Variants in TEAD1 observed in about 807,000 individuals in gnomAD.
TEAD1 encodes transcriptional enhancer factor TEF-1.
A neutral mutation model predicts 54.9 loss-of-function variants in TEAD1; 9 were observed. That is an observed-to-expected ratio of 0.16 (90% CI 0.10 to 0.29). The LOEUF (loss-of-function observed/expected upper bound fraction) is 0.29, where lower values mean the gene tolerates loss of function less well. Ranked by LOEUF, TEAD1 falls within the 10% of genes least tolerant of loss-of-function variation. TEAD1 has a pLI of 1.00. For synonymous variants in TEAD1, 200 were observed against 187.8 expected, an observed-to-expected ratio of 1.07 and a Z score of -0.53; for missense variants, 387 against 535.9, an observed-to-expected ratio of 0.72 and a Z score of 2.74.
intron 3 of TEAD1, among the ~76,000 whole-genome samples, chr11:12,794,110 G>A (rs770280331): frequency 1.2e-4 from 18 of 152,342 alleles, no homozygotes; most frequent in Middle Eastern, 3.4e-3. Context: ...GGAAGGGAAT[G>A]GGGCTTAGAG....
chr11:12,681,237 C>T (rs576236211), intron 2 of TEAD1, among the ~76,000 whole-genome samples: 3 of 152,206 alleles, frequency 2.0e-5, no homozygotes, highest in Admixed American at 1.3e-4. Context: ...TTGTCTGAGC[C>T]GAGAAATTCT....
intron 3 of TEAD1, among the ~76,000 whole-genome samples, chr11:12,819,597 C>T (rs1040393448): frequency 4.6e-5 from 7 of 151,960 alleles, no homozygotes; most frequent in South Asian, 2.1e-4. Flanking sequence ...TACAGGCGCC[C>T]GCCACCAAGC....
chr11:12,717,096 A>G (rs1281375947), intron 2 of TEAD1, among the ~76,000 whole-genome samples: 1 of 152,220 alleles, frequency 6.6e-6, no homozygotes, highest in Non-Finnish European at 1.5e-5. Context: ...AGGATGAGCC[A>G]TAAACAGTCA....
intron 5 of TEAD1, among the ~76,000 whole-genome samples, chr11:12,871,849 G>A (rs1452131158): frequency 6.6e-6 from 1 of 152,140 alleles, no homozygotes; most frequent in African/African-American, 2.4e-5. Flanking sequence ...GGCAGTAGAT[G>A]TATTCACGTC....
At chr11:12,816,655 A>C (rs1300962803) in intron 3 of TEAD1, among the ~76,000 whole-genome samples, 1 of 152,196 alleles carries the variant, frequency 6.6e-6, no homozygotes, top group African/African-American at 2.4e-5. Flanking sequence ...TTTAGTTGCT[A>C]TACACAAGCC....
At position 12,943,023 on chromosome 11, in the gene TEAD1, A is replaced by T. The variant is rs968826924; in HGVS notation, c.*5801A>T. The T allele has an allele frequency of 6.6e-6, 1 of 152,228 alleles. No individual in the cohort carries two copies. The highest frequency in any genetic ancestry group is 1.5e-5 in the Non-Finnish European group (1 of 68,038). 9.4% of individuals were successfully genotyped at this position (152,228 alleles called of 1,614,324 possible). On this transcript the variant is annotated 3_prime_UTR_variant, in exon 13 of 13. Transcript: ENST00000527636. ...AAAAAGATTTTCTTTGCTAATATAG[A>T]TGTAAAAATAACATCAGACATCTTT...
At chr11:12,916,944 A>G (rs1948724389) in intron 10 of TEAD1, among the ~76,000 whole-genome samples, 1 of 152,218 alleles carries the variant, frequency 6.6e-6, no homozygotes, top group South Asian at 2.1e-4. Context: ...GGTCTGTGGT[A>G]CCCGAAGTTC....
intron 2 of TEAD1, among the ~76,000 whole-genome samples, chr11:12,679,919 A>G (rs769517162): frequency 1.1e-4 from 16 of 152,200 alleles, no homozygotes; most frequent in South Asian, 2.1e-4. Flanking sequence ...TCTGTATCCA[A>G]GCATTTTTGT....
intron 2 of TEAD1, among the ~76,000 whole-genome samples, chr11:12,731,540 CAAT>C (rs1001426452): frequency 4.7e-4 from 72 of 152,028 alleles, no homozygotes; most frequent in African/African-American, 1.5e-3. Context: ...TCTTTAATAT[CAAT>C]AAATACTTAC....
chr11:12,823,324 C>G (rs184785631), intron 3 of TEAD1: 4 of 152,320 alleles, frequency 2.6e-5, no homozygotes, highest in Admixed American at 2.6e-4. Context: ...GATTTCTTGC[C>G]TTTAAAATGT....
intron 2 of TEAD1, among the ~76,000 whole-genome samples, chr11:12,734,502 A>G (rs1238516945): frequency 6.6e-6 from 1 of 152,218 alleles, no homozygotes; most frequent in Non-Finnish European, 1.5e-5. Context: ...CTAGGCCTTC[A>G]CATTCACTCA....
intron 10 of TEAD1, among the ~76,000 whole-genome samples, chr11:12,908,896 T>TTTTTTTTTTTTTA (rs1948569869): frequency 7.4e-6 from 1 of 136,022 alleles, no homozygotes. Flanking sequence ...TTTTTTTTTT[T>TTTTTTTTTTTTTA]GAGACAGTGT....
At chr11:12,756,928 T>C (rs926887203) in intron 2 of TEAD1, among the ~76,000 whole-genome samples, 2 of 152,246 alleles carry the variant, frequency 1.3e-5, no homozygotes, top group Admixed American at 1.3e-4. Flanking sequence ...CAGTTCACTT[T>C]GGAAGTAAAG....
intron 10 of TEAD1, among the ~76,000 whole-genome samples, chr11:12,924,656 G>T (rs745361): frequency 0.11 from 17,360 of 152,004 alleles, 1,489 homozygotes; most frequent in African/African-American, 0.24. Flanking sequence ...GGGTATAGTA[G>T]TATTCTGATA....
chr11:12,864,627 G>T, intron 4 of TEAD1: 1 of 1,125,398 alleles, frequency 8.9e-7, no homozygotes, highest in Non-Finnish European at 1.2e-6. Context: ...TTTTTGTTTT[G>T]TTTTGTTTTG....
At chr11:12,931,899 G>A (rs779020461) in intron 12 of TEAD1, among the ~76,000 whole-genome samples, 7 of 147,228 alleles carry the variant, frequency 4.8e-5, no homozygotes, top group Non-Finnish European at 9.0e-5. Flanking sequence ...CCCTGGAGAT[G>A]GGGCCCAGCA....
chr11:12,781,509 A>T (rs1564937486), intron 3 of TEAD1, among the ~76,000 whole-genome samples: 2 of 152,160 alleles, frequency 1.3e-5, no homozygotes. Context: ...TGGACAGAGG[A>T]TCTGACTGGA....
At chr11:12,769,095 T>C (rs1323679833) in intron 3 of TEAD1, among the ~76,000 whole-genome samples, 1 of 152,092 alleles carries the variant, frequency 6.6e-6, no homozygotes, top group South Asian at 2.1e-4. Context: ...CTGGCCACTA[T>C]TGACTTTCTC....
At chr11:12,912,880 G>A (rs968104383) in intron 10 of TEAD1, among the ~76,000 whole-genome samples, 12 of 151,934 alleles carry the variant, frequency 7.9e-5, no homozygotes, top group South Asian at 6.2e-4. Context: ...TGGGTCCTTT[G>A]TCTCTGTGAT....
Sources: allele counts gnomAD v4.1 joint callset (sites outside exome capture counted in the v4.1 genomes callset), GRCh38; gene constraint gnomAD v4.1.1; transcripts MANE v1.5; gene names NCBI Gene and HGNC (gene_info 2026-07-23, HGNC 2026-07-21).